The following EP400 variants were observed in gnomAD, a reference collection of about 807,000 sequenced individuals.
EP400 encodes the protein E1A binding protein p400.
A neutral mutation model predicts 354.1 loss-of-function variants in EP400; 105 were observed. That is an observed-to-expected ratio of 0.30 (90% confidence interval 0.25 to 0.35). The LOEUF (loss-of-function observed/expected upper bound fraction) is 0.35. Ranked by LOEUF, EP400 falls within the 10% of genes least tolerant of loss-of-function variation. The pLI is 1.00. For missense variants in EP400, 3,280 were observed against 4,121.0 expected, an observed-to-expected ratio of 0.80 and a Z score of 5.59; for synonymous variants, 1,646 against 1,716.9, an observed-to-expected ratio of 0.96 and a Z score of 1.02.
intron 7 of EP400, among the ~76,000 whole-genome samples, chr12:131,988,542 G>A (rs1892932863): frequency 6.6e-6 from 1 of 152,150 alleles, no homozygotes; most frequent in East Asian, 1.9e-4. Context: ...CCTTCCTCCT[G>A]GGCTTCTAGT....
chr12:132,044,320 C>T lies in EP400; in HGVS notation c.6585+9C>T. The T allele has an allele frequency of 6.2e-7, 1 of 1,609,706 alleles. No homozygotes were observed. The highest frequency in any genetic ancestry group is 8.5e-7 in the Non-Finnish European group (1 of 1,177,042). Reference sequence around the variant, plus strand: ...AGGATGCCTACAGCATGGTACCCGGCCCGGGGCCCTCCTGCCCTCTTGCCC... The same window carrying T: ...AGGATGCCTACAGCATGGTACCCGGTCCGGGGCCCTCCTGCCCTCTTGCCC... On this transcript the variant is annotated intron_variant, in intron 35 of 52. Transcript: ENST00000389561.
At position 132,054,877 on chromosome 12, in the gene EP400, G is replaced by A; in HGVS notation, c.7729-97G>A. The stretch of plus-strand genomic sequence containing the variant: ...CAGGTGGCTGTGTGAATGTCGTGGA[G>A]TTTGGATTTGATTCTGAATGAAGTG... On this transcript the variant is annotated intron_variant, in intron 43 of 52. Transcript: ENST00000389561. The surrounding 1 kb of genome is among the most constrained non-coding windows in gnomAD (Gnocchi z 4.0). 7.7e-7 allele frequency: 1 copy of A among 1,296,100 alleles called. No individual in the cohort carries two copies. The highest frequency in any genetic ancestry group is 1.1e-6 in the Non-Finnish European group (1 of 896,692). 80.3% of individuals were successfully genotyped at this position (1,296,100 alleles called of 1,614,324 possible).
At chr12:132,014,011 G>A in intron 19 of EP400, 98 bp downstream of exon 19, 19 of 1,516,726 alleles carry the variant, frequency 1.3e-5, no homozygotes, top group Non-Finnish European at 1.7e-5. Flanking sequence ...CTTTCCGCAA[G>A]GATTGGGTGT....
chr12:132,024,677 C>A (rs1049151248), intron 24 of EP400, among the ~76,000 whole-genome samples: 2 of 151,408 alleles, frequency 1.3e-5, no homozygotes, highest in Non-Finnish European at 1.5e-5. Context: ...GCAGCCCCCG[C>A]AGCCTCCTTC....
chr12:131,974,987 CAAAAAAAAA>C (rs764013155), intron 2 of EP400, among the ~76,000 whole-genome samples: 1 of 43,328 alleles, frequency 2.3e-5, no homozygotes, highest in African/African-American at 7.8e-5. Flanking sequence ...GACTCCATCT[CAAAAAAAAA>C]AAAAAAAAAA....
In EP400 at chr12:131,960,846, T is replaced by G; in HGVS notation, c.227T>G (p.Leu76Arg). Residue 76 changes from leucine (L) to arginine (R), a missense_variant, in exon 2 of 53, where the codon CTG (leucine) becomes CGG (arginine). Transcript: ENST00000389561. ...ACCGGGCAGAACGTGAACATCACCCTGCAGAGCGTGGGCCCTGTCGTCGGG... is the reference window on the plus strand; with the variant it reads ...ACCGGGCAGAACGTGAACATCACCCGGCAGAGCGTGGGCCCTGTCGTCGGG... ...PATGQNVNIT[L>R]QSVGPVVGGN... 1.2e-6 allele frequency: 2 copies of G among 1,613,930 alleles called. No homozygotes were observed. The highest frequency in any genetic ancestry group is 1.7e-6 in the Non-Finnish European group (2 of 1,180,002).
In EP400 at chr12:132,050,971, A is replaced by C. The variant is rs1895268341; in HGVS notation, c.7394+316A>C. ...CAAGGGGCTTTCTTCCTCACACCCCACCTCTCAGGCACTGATTTTGTTCGC... is the reference window on the plus strand; with the variant it reads ...CAAGGGGCTTTCTTCCTCACACCCCCCCTCTCAGGCACTGATTTTGTTCGC... On this transcript the variant is annotated intron_variant, in intron 41 of 52. Coordinates refer to ENST00000389561, the MANE Select transcript of EP400 (RefSeq NM_015409.5). The surrounding 1 kb of genome is among the most constrained non-coding windows in gnomAD (Gnocchi z 4.8). The C allele has an allele frequency of 4.2e-6, 2 of 478,390 alleles. No individual in the cohort carries two copies. Among genetic ancestry groups the C allele is most frequent in the Non-Finnish European group, 7.6e-6 (2 of 263,230 alleles). The allele number at this position is 478,390 out of a possible 1,614,324, so 29.6% of individuals were successfully genotyped here.
intron 15 of EP400, among the ~76,000 whole-genome samples, chr12:132,008,449 A>G (rs1052317151): frequency 2.0e-5 from 3 of 152,182 alleles, no homozygotes; most frequent in African/African-American, 7.2e-5. Context: ...CACACAGTTT[A>G]GATGTAGTGC....
chr12:132,066,750 T>G (rs756495100), intron 48 of EP400, 24 bp from the exon 49 acceptor site: 5 of 1,603,152 alleles, frequency 3.1e-6, no homozygotes, highest in Non-Finnish European at 4.3e-6. Context: ...TTCTCTGGAC[T>G]CTCCCATTAT....
intron 21 of EP400, among the ~76,000 whole-genome samples, 167 bp from the exon 22 acceptor site, chr12:132,019,882 G>C (rs1310309224): frequency 2.0e-5 from 3 of 152,148 alleles, no homozygotes; most frequent in African/African-American, 7.2e-5. Flanking sequence ...AGCTTACCTA[G>C]AGCAGTACTT....
intron 5 of EP400, among the ~76,000 whole-genome samples, chr12:131,984,539 A>G (rs1678506226): frequency 6.6e-6 from 1 of 152,132 alleles, no homozygotes. Flanking sequence ...TCTAGGCCTT[A>G]CATTGCTTGC....
chr12:132,045,597 C>CG, intron 38 of EP400, 37 bp downstream of exon 38: 1 of 1,609,706 alleles, frequency 6.2e-7, no homozygotes, highest in Non-Finnish European at 8.5e-7. Flanking sequence ...CGGTCATGTG[C>CG]GGTCATTTTT....
chr12:131,966,392 AAC>A (rs1892081787), intron 2 of EP400, among the ~76,000 whole-genome samples: 1 of 151,672 alleles, frequency 6.6e-6, no homozygotes, highest in Non-Finnish European at 1.5e-5. Context: ...AACGTGGTGA[AAC>A]CCTGTCTCTG....
At chr12:132,016,377 C>G (rs112459854) in intron 19 of EP400, among the ~76,000 whole-genome samples, 2,205 of 151,608 alleles carry the variant, frequency 0.015, 50 homozygotes, top group African/African-American at 0.051. Context: ...CTTTTTTTTC[C>G]TTTTTCTTGA....
chr12:132,023,797 G>A lies in EP400; in HGVS notation c.4711G>A (p.Ala1571Thr). The A allele has an allele frequency of 6.2e-7, 1 of 1,613,156 alleles. No homozygotes were observed. Among genetic ancestry groups the A allele is most frequent in the Non-Finnish European group, 8.5e-7 (1 of 1,179,714 alleles). The stretch of plus-strand genomic sequence containing the variant: ...AACAGGTGGAGAGGTAGTGAAAATA[G>A]CTCAGCTGGCATCCATCACAGGACC... The part of the protein sequence containing the change: ...RLPSGEVVKI[A>T]QLASITGPQS... Residue 1571 changes from alanine (A) to threonine (T), a missense_variant, in exon 24 of 53, where the codon GCT (alanine) becomes ACT (threonine). Transcript: ENST00000389561.
Position 132,029,967 on chromosome 12 carries a change from C to G in EP400, c.5585-22C>G. On this transcript the variant is annotated intron_variant, in intron 28 of 52. Transcript: ENST00000389561. This position sits in a 1 kb window ranked among gnomAD's most constrained non-coding sequence, Gnocchi z 4.7. ...CACCGGCCCTGGATGATGAGGCGCT[C>G]TTGATGTGATTCGTTTCCCAGGGAA... 6.2e-7 allele frequency: 1 copy of G among 1,613,420 alleles called. No individual in the cohort carries two copies. The highest frequency in any genetic ancestry group is 8.5e-7 in the Non-Finnish European group (1 of 1,179,982).
intron 9 of EP400, 74 bp from the exon 10 acceptor site, chr12:131,991,333 C>T: frequency 6.6e-7 from 1 of 1,516,222 alleles, no homozygotes; most frequent in Non-Finnish European, 9.2e-7. Context: ...CAGCAGGACC[C>T]TGCCTGGAAA....
chr12:131,978,982 C>T (rs536436873), intron 2 of EP400, among the ~76,000 whole-genome samples: 4 of 152,032 alleles, frequency 2.6e-5, no homozygotes, highest in South Asian at 4.1e-4. Flanking sequence ...TTTGGGAGGC[C>T]GAGGCAGGCG....
chr12:132,053,049 G>A, intron 41 of EP400, 97 bp from the exon 42 acceptor site: 3 of 1,342,528 alleles, frequency 2.2e-6, no homozygotes, highest in Non-Finnish European at 3.2e-6. Context: ...GGCTGGAGCT[G>A]CCCCAGCACC....
Sources: allele counts gnomAD v4.1 joint callset (sites outside exome capture counted in the v4.1 genomes callset), GRCh38; gene constraint gnomAD v4.1.1; non-coding constraint Gnocchi (gnomAD v3.1); transcripts MANE v1.5; gene names NCBI Gene and HGNC (gene_info 2026-07-23, HGNC 2026-07-21).